Variants in NRXN1 observed in about 807,000 individuals in gnomAD.
The protein encoded by NRXN1 is neurexin-1.
Under a neutral mutation model 150.9 loss-of-function variants are expected in NRXN1, and 39 were observed. The ratio of observed to expected loss-of-function variants is 0.26; its 90% CI spans 0.20 to 0.34. The LOEUF is 0.34. Ranked by LOEUF, NRXN1 falls within the 10% of genes least tolerant of loss-of-function variation. NRXN1 has a pLI of 1.00. For synonymous variants in NRXN1, 924 were observed against 757.0 expected, an observed-to-expected ratio of 1.22 and a Z score of -3.62; for missense variants, 1,815 against 1,949.9, an observed-to-expected ratio of 0.93 and a Z score of 1.30.
At chr2:50,899,762 C>T (rs1682628408) in intron 5 of NRXN1, among the ~76,000 whole-genome samples, 1 of 151,952 alleles carries the variant, frequency 6.6e-6, no homozygotes, top group Non-Finnish European at 1.5e-5. Context: ...TGATGTAACC[C>T]CATGTTGGTG....
At position 49,930,080 on chromosome 2, in the gene NRXN1, C is replaced by G. The variant is rs528705742; in HGVS notation, c.4217-7829G>C. On this transcript the variant is annotated intron_variant, in intron 22 of 22. Transcript: ENST00000401669. ...AGTGGGTAGAGAAGTCTACGAAAAA[C>G]ATGTCGAATGACCTTGAGGAAACAA... Among the ~76,000 whole-genome samples the G allele has an allele frequency of 6.9e-4, 105 of 152,232 alleles. 2 individuals are homozygous for G. Among genetic ancestry groups the G allele is most frequent in the Non-Finnish European group, 4.4e-4 (30 of 68,016 alleles).
At chr2:50,052,664 G>A (rs1692907745) in intron 21 of NRXN1, among the ~76,000 whole-genome samples, 1 of 152,154 alleles carries the variant, frequency 6.6e-6, no homozygotes, top group Non-Finnish European at 1.5e-5. Context: ...AATTGTAGGT[G>A]AGGGCAATTA....
chr2:50,610,093 T>A (rs1031740748), intron 8 of NRXN1, among the ~76,000 whole-genome samples: 1 of 152,130 alleles, frequency 6.6e-6, no homozygotes, highest in Non-Finnish European at 1.5e-5. Flanking sequence ...AATAATTTCC[T>A]TCCAAACATA....
chr2:50,510,944 CA>C (rs2092430154), intron 12 of NRXN1, among the ~76,000 whole-genome samples: 1 of 152,046 alleles, frequency 6.6e-6, no homozygotes, highest in African/African-American at 2.4e-5. Context: ...TGTAGAATTT[CA>C]ATCATCATCT....
chr2:50,554,036 G>T (rs576594493), intron 8 of NRXN1, among the ~76,000 whole-genome samples: 1 of 152,206 alleles, frequency 6.6e-6, no homozygotes, highest in East Asian at 1.9e-4. Context: ...ACTTGAGGGT[G>T]AATTAGTTAT....
intron 8 of NRXN1, among the ~76,000 whole-genome samples, chr2:50,569,748 A>G (rs140980615): frequency 1.3e-5 from 2 of 152,290 alleles, no homozygotes; most frequent in East Asian, 1.9e-4. Flanking sequence ...TGAAAGGCCA[A>G]TTGAATTCAG....
intron 5 of NRXN1, among the ~76,000 whole-genome samples, chr2:50,779,495 G>A (rs539490105): frequency 4.6e-5 from 7 of 152,162 alleles, no homozygotes; most frequent in East Asian, 1.9e-4. Context: ...GTGGCAGGGC[G>A]TGGTGGCTCA....
intron 5 of NRXN1, among the ~76,000 whole-genome samples, chr2:50,687,031 G>T (rs532880348): frequency 1.4e-4 from 22 of 152,272 alleles, no homozygotes; most frequent in African/African-American, 5.1e-4. Context: ...AGGACTCAAA[G>T]TGCTTAGCGT....
rs558712926 is a variant in NRXN1 at position 50,057,372 on chromosome 2, C to T, written c.3719-2328G>A. On this transcript the variant is annotated intron_variant, in intron 19 of 22. Transcript: ENST00000401669. The stretch of plus-strand genomic sequence containing the variant: ...CCACCTCATCTCTATCTTTCATTAG[C>T]TAACCATTACTAATTAATGGAATCT... Among the ~76,000 whole-genome samples the T allele has an allele frequency of 3.3e-5, 5 of 152,256 alleles. No individual in the cohort carries two copies. In the South Asian group the frequency reaches 1.0e-3, roughly 32 times the overall value.
Position 50,683,646 on chromosome 2 carries a change from A to AAAAAAATATATAT in NRXN1, c.833-60032_833-60031insATATATATTTTTT. ...GACTCCGTCTCAAAAAAAAAAAAAA[A>AAAAAAATATATAT]ATATATATATATATATATATGTTAT... On this transcript the variant is annotated intron_variant, in intron 5 of 22. Coordinates refer to ENST00000401669, the MANE Select transcript of NRXN1 (RefSeq NM_001330078.2). 5.4e-4 allele frequency among the ~76,000 whole-genome samples: 8 copies of AAAAAAATATATAT among 14,906 alleles called. 1 individual carries two copies. The highest frequency in any genetic ancestry group is 2.9e-3 in the African/African-American group (8 of 2,780). 9.8% of individuals were successfully genotyped at this position (14,906 alleles called of 152,430 possible).
chr2:50,126,468 T>A (rs905758015), intron 18 of NRXN1, among the ~76,000 whole-genome samples: 4 of 151,690 alleles, frequency 2.6e-5, no homozygotes, highest in African/African-American at 4.8e-5. Context: ...ATATAACTGA[T>A]ATAGTCATCA....
chr2:50,696,526 C>A (rs1313904716), intron 5 of NRXN1, among the ~76,000 whole-genome samples: 2 of 152,214 alleles, frequency 1.3e-5, no homozygotes, highest in East Asian at 3.9e-4. Flanking sequence ...AAAGCCAAGG[C>A]AATGGGGTGA....
At chr2:50,029,347 GT>G (rs1185623401) in intron 21 of NRXN1, among the ~76,000 whole-genome samples, 1 of 152,172 alleles carries the variant, frequency 6.6e-6, no homozygotes, top group Non-Finnish European at 1.5e-5. Context: ...GACTAACACA[GT>G]GAAGCAGTCA....
chr2:50,045,340 C>G (rs1325525907), intron 21 of NRXN1, among the ~76,000 whole-genome samples: 2 of 152,116 alleles, frequency 1.3e-5, no homozygotes, highest in Non-Finnish European at 2.9e-5. Flanking sequence ...CTTGTATACA[C>G]AAAATTATCT....
At chr2:49,935,165 A>G (rs369650503) in intron 22 of NRXN1, among the ~76,000 whole-genome samples, 1 of 152,232 alleles carries the variant, frequency 6.6e-6, no homozygotes, top group Non-Finnish European at 1.5e-5. Flanking sequence ...CATTTTTATC[A>G]GTACAGCAAT....
rs74976024 is a variant in NRXN1 at position 50,440,828 on chromosome 2, T to C, written c.3364+24614A>G. Among the ~76,000 whole-genome samples the C allele has an allele frequency of 6.0e-3, 915 of 152,322 alleles. 10 individuals carry two copies. Among genetic ancestry groups the C allele is most frequent in the African/African-American group, 0.02 (849 of 41,570 alleles). ...ATCATGATCTTTATGTTTAAGTTCA[T>C]ACCCTGATTTTCTATCTGATCAAAT... On this transcript the variant is annotated intron_variant, in intron 17 of 22. Coordinates refer to ENST00000401669, the MANE Select transcript of NRXN1 (RefSeq NM_001330078.2).
chr2:50,904,989 A>AT (rs1051331366), intron 5 of NRXN1, among the ~76,000 whole-genome samples: 13 of 151,894 alleles, frequency 8.6e-5, no homozygotes, highest in African/African-American at 2.7e-4. Flanking sequence ...TCATTCATTC[A>AT]TTTTTTTTAT....
chr2:50,632,826 A>G (rs2104415451), intron 5 of NRXN1: 2 of 152,188 alleles, frequency 1.3e-5, no homozygotes, highest in South Asian at 4.1e-4. Flanking sequence ...GTGGCGGGCG[A>G]AAGAATCAGA....
chr2:49,948,462 A>T (rs1558562503), intron 21 of NRXN1, among the ~76,000 whole-genome samples: 1 of 152,076 alleles, frequency 6.6e-6, no homozygotes, highest in African/African-American at 2.4e-5. Context: ...TGGTATAATG[A>T]AATACGTTCT....
Sources: allele counts gnomAD v4.1 joint callset (sites outside exome capture counted in the v4.1 genomes callset), GRCh38; gene constraint gnomAD v4.1.1; transcripts MANE v1.5; gene names NCBI Gene and HGNC (gene_info 2026-07-23, HGNC 2026-07-21).